The following RPS20 variants were observed in gnomAD, a reference collection of about 807,000 sequenced individuals.
RPS20 encodes the protein small ribosomal subunit protein uS10.
RPS20 carries 3 observed loss-of-function variants against 15.3 expected under a neutral mutation model. That is an observed-to-expected ratio of 0.20 (90% CI 0.09 to 0.51). RPS20 has a LOEUF of 0.51. Among genes scored for constraint, RPS20 ranks in the 20% least tolerant of loss-of-function variants. The pLI, the probability that RPS20 is intolerant of heterozygous loss-of-function variation, is 0.96. For missense variants in RPS20, 67 were observed against 145.9 expected, an observed-to-expected ratio of 0.46 and a Z score of 2.79; for synonymous variants, 62 against 47.8, an observed-to-expected ratio of 1.30 and a Z score of -1.23.
intron 1 of RPS20, 72 bp downstream of exon 1, chr8:56,074,309 C>T: frequency 6.5e-7 from 1 of 1,548,346 alleles, no homozygotes; most frequent in East Asian, 2.4e-5. Context: ...CTCAGGAGCA[C>T]GAACTCGAAA....
chr8:56,069,507 C>T (rs1463202479), downstream of RPS20, among the ~76,000 whole-genome samples: 2 of 152,188 alleles, frequency 1.3e-5, no homozygotes, highest in Non-Finnish European at 2.9e-5. Context: ...CTGTGTTGGC[C>T]AGGCTGGTCT....
chr8:56,073,933 C>T (rs761511912), intron 2 of RPS20, 127 bp downstream of exon 2: 24 of 1,113,144 alleles, frequency 2.2e-5, no homozygotes, highest in Admixed American at 1.2e-4. Flanking sequence ...TTTTAAGCCA[C>T]GCTTTACTTT....
At chr8:56,072,623 C>A (rs1809797250), downstream of RPS20, among the ~76,000 whole-genome samples, 3 of 150,174 alleles carry the variant, frequency 2.0e-5, no homozygotes, top group Admixed American at 2.0e-4. Flanking sequence ...TATTTTTAAA[C>A]TAAGTTTTAG....
downstream of RPS20, among the ~76,000 whole-genome samples, chr8:56,069,154 TAA>T: frequency 6.6e-6 from 1 of 152,232 alleles, no homozygotes; most frequent in Admixed American, 6.5e-5. Flanking sequence ...TCTGGTTCTC[TAA>T]GAGTTCAATT....
At chr8:56,068,651 G>GT (rs1437493829), downstream of RPS20, 3 of 151,512 alleles carry the variant, frequency 2.0e-5, no homozygotes, top group Non-Finnish European at 4.4e-5. Flanking sequence ...CAAATGGAGG[G>GT]TAGGGCTAAA....
In RPS20 at chr8:56,073,494, C is replaced by G. The variant is rs1809828857; in HGVS notation, c.177+201G>C. On this transcript the variant is annotated intron_variant, in intron 3 of 3. Transcript: ENST00000009589. ...TGCGCCTGTTAAGCACCAAAGCACA[C>G]CAAGAACACAGCAACAATAATTCAA... 4.7e-6 allele frequency: 3 copies of G among 643,156 alleles called. No individual in the cohort carries two copies. The Admixed American group carries it at 8.1e-5, about 17-fold the overall frequency. The allele number at this position is 643,156 out of a possible 1,614,324, so 39.8% of individuals were successfully genotyped here. A position where few individuals can be genotyped will look rare whatever the true frequency, so the allele number is the denominator to read the frequency against.
At chr8:56,070,268 T>G (rs1809713942), downstream of RPS20, among the ~76,000 whole-genome samples, 1 of 152,168 alleles carries the variant, frequency 6.6e-6, no homozygotes, top group African/African-American at 2.4e-5. Context: ...GTATCCTCAT[T>G]TGGCACATAA....
chr8:56,074,364 G>C lies in RPS20; in HGVS notation c.3+17C>G, dbSNP rs1385289036. Reference sequence around the variant, plus strand: ...CGAGCCCTGCGTTGCGCCGCCCGCCGCCGACTGCCGCCTCACCATGGCTGT... The same window carrying C: ...CGAGCCCTGCGTTGCGCCGCCCGCCCCCGACTGCCGCCTCACCATGGCTGT... On this transcript the variant is annotated intron_variant, in intron 1 of 3. Transcript: ENST00000009589. The C allele has an allele frequency of 6.4e-7, 1 of 1,554,764 alleles. No individual in the cohort carries two copies. The highest frequency in any genetic ancestry group is 1.4e-5 in the African/African-American group (1 of 73,638).
At chr8:56,072,953 ACT>A (rs1809806669), downstream of RPS20, 1 of 1,425,016 alleles carries the variant, frequency 7.0e-7, no homozygotes, top group African/African-American at 1.4e-5. Context: ...AGGATAGACC[ACT>A]CTAAGATACC....
rs199506982 is a variant in RPS20, at chr8:56,074,039, C to G, written c.103+21G>C. ...CTTTTCGCCCAATTCCCCCTCCCCCCCGCATAACGAATGCACTGACCCTTT... is the reference window on the plus strand; with the variant it reads ...CTTTTCGCCCAATTCCCCCTCCCCCGCGCATAACGAATGCACTGACCCTTT... On this transcript the variant is annotated intron_variant, in intron 2 of 3. Transcript: ENST00000009589. The G allele has an allele frequency of 2.7e-5, 43 of 1,587,000 alleles. No homozygotes were observed. The Admixed American group carries it at 5.3e-4, about 20-fold the overall frequency.
chr8:56,074,477 A>G lies in RPS20; in HGVS notation c.-94T>C, dbSNP rs539768434. ...AGGAGCGTGCGGACCAAAAATCCTC[A>G]GCCCTTACGACCGCGTCTTCCTCAA... is the stretch of plus-strand genomic sequence containing the variant. On this transcript the variant is annotated 5_prime_UTR_variant, in exon 1 of 4. Coordinates refer to ENST00000009589, the MANE Select transcript of RPS20 (RefSeq NM_001023.4). The G allele has an allele frequency of 1.0e-5, 14 of 1,389,506 alleles. No individual in the cohort carries two copies. The highest frequency in any genetic ancestry group is 2.9e-5 in the African/African-American group (2 of 69,554). 86.1% of individuals were successfully genotyped at this position (1,389,506 alleles called of 1,614,324 possible). A position where few individuals can be genotyped will look rare whatever the true frequency, so the allele number is the denominator to read the frequency against.
At chr8:56,070,684 G>C (rs530974864), downstream of RPS20, among the ~76,000 whole-genome samples, 35 of 149,840 alleles carry the variant, frequency 2.3e-4, no homozygotes, top group African/African-American at 8.6e-4. Flanking sequence ...AGCCATGTTC[G>C]CACGACTGCA....
At chr8:56,074,288 C>T in intron 1 of RPS20, 93 bp downstream of exon 1, 1 of 1,535,680 alleles carries the variant, frequency 6.5e-7, no homozygotes, top group Non-Finnish European at 8.8e-7. Flanking sequence ...CTACACGCCC[C>T]GGCATCTGCC....
At chr8:56,069,855 A>G, downstream of RPS20, 2 of 1,291,674 alleles carry the variant, frequency 1.5e-6, no homozygotes, top group East Asian at 2.5e-5. Context: ...AAGTATTCAG[A>G]AAAAAAATTG....
chr8:56,068,994 C>A (rs571895384), downstream of RPS20, among the ~76,000 whole-genome samples: 70 of 151,494 alleles, frequency 4.6e-4, no homozygotes, highest in South Asian at 0.015. Flanking sequence ...GACAGGGTTT[C>A]ACCATGTTGG....
chr8:56,070,139 A>G (rs1563346198), downstream of RPS20, among the ~76,000 whole-genome samples: 1 of 147,026 alleles, frequency 6.8e-6, no homozygotes, highest in Non-Finnish European at 1.5e-5. Flanking sequence ...GGCCAGCTAG[A>G]GCACATCCTG....
At chr8:56,073,322 C>A in intron 3 of RPS20, 50 bp from the exon 4 acceptor site, 2 of 1,153,044 alleles carry the variant, frequency 1.7e-6, no homozygotes, top group Non-Finnish European at 1.3e-6. Flanking sequence ...TATACTTATC[C>A]CTAGAACATC....
chr8:56,069,728 G>C, downstream of RPS20: 3 of 1,551,310 alleles, frequency 1.9e-6, no homozygotes, highest in Non-Finnish European at 2.6e-6. Context: ...TTTGGCGGAG[G>C]AGAATGCAGT....
intron 2 of RPS20, 88 bp downstream of exon 2, chr8:56,073,972 C>A: frequency 8.3e-7 from 1 of 1,199,740 alleles, no homozygotes; most frequent in Non-Finnish European, 1.2e-6. Context: ...TTAGTTCTTG[C>A]AGTCCACCTT....
Sources: gnomAD v4.1 joint callset for allele counts (sites outside exome capture counted in the v4.1 genomes callset) on GRCh38, gnomAD v4.1.1 for gene constraint, MANE v1.5 for transcripts, NCBI Gene and HGNC (gene_info 2026-07-23, HGNC 2026-07-21) for gene names.